The following EFCAB6 variants were observed in gnomAD, a reference collection of about 807,000 sequenced individuals.
The protein encoded by EFCAB6 is EF-hand calcium-binding domain-containing protein 6.
Under a neutral mutation model 169.8 loss-of-function variants are expected in EFCAB6, and 156 were observed. The ratio of observed to expected loss-of-function variants is 0.92; its 90% CI spans 0.81 to 1.05. EFCAB6 has a LOEUF of 1.05. Ranked by LOEUF, EFCAB6 falls within the 50% of genes least tolerant of loss-of-function variation. The pLI is 0.00. For missense variants in EFCAB6, 1,800 were observed against 1,829.1 expected (o/e 0.98, Z 0.29); for synonymous variants, 698 against 676.4 (o/e 1.03, Z -0.50).
chr22:43,774,229 G>C (rs1273966757), intron 3 of EFCAB6, among the ~76,000 whole-genome samples: 3 of 151,594 alleles, frequency 2.0e-5, no homozygotes, highest in Non-Finnish European at 2.9e-5. Context: ...GGTGACCTGG[G>C]CAGGTAAAAG....
intron 6 of EFCAB6, among the ~76,000 whole-genome samples, chr22:43,754,339 C>A (rs1385869665): frequency 6.6e-6 from 1 of 152,162 alleles, no homozygotes; most frequent in Non-Finnish European, 1.5e-5. Context: ...AATAGCAGAG[C>A]CCCAGGATGG....
chr22:43,534,686 A>T lies in EFCAB6; in HGVS notation c.4233+2T>A, dbSNP rs762293276. On this transcript the variant is annotated splice_donor_variant, in intron 30 of 31. Coordinates refer to ENST00000262726, the MANE Select transcript of EFCAB6 (RefSeq NM_022785.4). LOFTEE classifies it high-confidence loss of function. ...CACATTTCCTGCAGGTGGGCAACAT[A>T]CCATCTTGTGTGCATTCTGGATCTT... The T allele has an allele frequency of 6.3e-7, 1 of 1,594,134 alleles. No homozygotes were observed. Among genetic ancestry groups the T allele is most frequent in the South Asian group, 1.1e-5 (1 of 86,988 alleles).
intron 9 of EFCAB6, among the ~76,000 whole-genome samples, chr22:43,715,578 T>A (rs1054963299): frequency 1.3e-5 from 2 of 152,186 alleles, no homozygotes; most frequent in African/African-American, 4.8e-5. Context: ...CTTATAAAAT[T>A]ATTTCTATCT....
chr22:43,656,490 T>C (rs1317061938), intron 17 of EFCAB6, among the ~76,000 whole-genome samples: 1 of 152,182 alleles, frequency 6.6e-6, no homozygotes, highest in Non-Finnish European at 1.5e-5. Context: ...CATGCTGTTA[T>C]GGACCGCATA....
Position 43,765,398 on chromosome 22 carries a change from A to T in EFCAB6, c.352-5T>A. Reference sequence around the variant, plus strand: ...ACCAGAGGTGCTAAGGGGGATCTACAGTCAAGGGAGAAGAATGACAACATG... The same window carrying T: ...ACCAGAGGTGCTAAGGGGGATCTACTGTCAAGGGAGAAGAATGACAACATG... On this transcript the variant is annotated splice_region_variant and splice_polypyrimidine_tract_variant and intron_variant, in intron 4 of 31. Coordinates refer to ENST00000262726, the MANE Select transcript of EFCAB6 (RefSeq NM_022785.4). 6.2e-7 allele frequency: 1 copy of T among 1,606,402 alleles called. No individual in the cohort carries two copies. Among genetic ancestry groups the T allele is most frequent in the South Asian group, 1.1e-5 (1 of 90,742 alleles).
At chr22:43,643,885 G>A (rs1020506394) in intron 17 of EFCAB6, among the ~76,000 whole-genome samples, 52 of 151,572 alleles carry the variant, frequency 3.4e-4, no homozygotes, top group Admixed American at 3.1e-3. Flanking sequence ...GCGCAGTAGC[G>A]TGATCTCGGC....
chr22:43,720,639 GGA>G (rs1025101847), intron 8 of EFCAB6, among the ~76,000 whole-genome samples: 7 of 151,490 alleles, frequency 4.6e-5, no homozygotes, highest in Admixed American at 4.6e-4. Context: ...GAGAGAGGGA[GGA>G]AAAGAGAGAG....
At chr22:43,568,547 C>T (rs557028365) in intron 26 of EFCAB6, among the ~76,000 whole-genome samples, 44 of 152,082 alleles carry the variant, frequency 2.9e-4, no homozygotes, top group Admixed American at 6.5e-4. Flanking sequence ...GAGGGCTTCC[C>T]GTGGAGGCTA....
At chr22:43,562,391 G>A (rs2049092999) in intron 26 of EFCAB6, among the ~76,000 whole-genome samples, 1 of 152,186 alleles carries the variant, frequency 6.6e-6, no homozygotes, top group Non-Finnish European at 1.5e-5. Context: ...ATGTATCCAT[G>A]TATCTTGCTA....
intron 21 of EFCAB6, among the ~76,000 whole-genome samples, chr22:43,612,432 TAAAC>T (rs1023522504): frequency 1.1e-4 from 17 of 151,984 alleles, no homozygotes; most frequent in African/African-American, 3.9e-4. Flanking sequence ...ATACGGAACT[TAAAC>T]AACCCCATTG....
At chr22:43,711,028 G>C (rs561308027) in intron 10 of EFCAB6, among the ~76,000 whole-genome samples, 396 of 152,252 alleles carry the variant, frequency 2.6e-3, no homozygotes, top group Non-Finnish European at 4.7e-3. Flanking sequence ...TGAAACTACA[G>C]ACTTAATTTG....
At chr22:43,684,588 G>A (rs948373156) in intron 11 of EFCAB6, among the ~76,000 whole-genome samples, 11 of 152,144 alleles carry the variant, frequency 7.2e-5, no homozygotes, top group African/African-American at 1.7e-4. Context: ...GTTTACCTGC[G>A]GAACCATTCT....
intron 26 of EFCAB6, chr22:43,570,130 AC>A (rs1185424597): frequency 6.6e-6 from 1 of 152,198 alleles, no homozygotes; most frequent in Admixed American, 6.5e-5. Flanking sequence ...CTCTCTTGGA[AC>A]AAAAAACATC....
chr22:43,663,159 AG>A (rs2057086559), intron 17 of EFCAB6, among the ~76,000 whole-genome samples: 1 of 152,204 alleles, frequency 6.6e-6, no homozygotes, highest in South Asian at 2.1e-4. Context: ...TTATTATTCC[AG>A]CAATGACACT....
At chr22:43,611,011 C>T (rs1049057793) in intron 21 of EFCAB6, among the ~76,000 whole-genome samples, 2 of 152,166 alleles carry the variant, frequency 1.3e-5, no homozygotes, top group African/African-American at 4.8e-5. Flanking sequence ...TTTACAGGAA[C>T]TTATGTCAGA....
chr22:43,551,017 T>C (rs972895453), intron 27 of EFCAB6, among the ~76,000 whole-genome samples: 2 of 152,174 alleles, frequency 1.3e-5, no homozygotes, highest in African/African-American at 2.4e-5. Context: ...CCCCTCACGT[T>C]CGTGACTGTT....
chr22:43,632,030 TCA>T (rs1283603161), intron 19 of EFCAB6, 73 bp downstream of exon 19: 1 of 1,566,846 alleles, frequency 6.4e-7, no homozygotes, highest in Non-Finnish European at 8.7e-7. Flanking sequence ...ACACCAGGAC[TCA>T]CACCCACTTG....
intron 30 of EFCAB6, among the ~76,000 whole-genome samples, chr22:43,531,243 C>G (rs1195828669): frequency 6.6e-6 from 1 of 152,216 alleles, no homozygotes; most frequent in East Asian, 1.9e-4. Flanking sequence ...AGGTCTCTAT[C>G]CCCACTTCAC....
intron 7 of EFCAB6, 122 bp downstream of exon 7, chr22:43,735,735 G>T (rs2060111100): frequency 1.8e-6 from 2 of 1,133,514 alleles, no homozygotes; most frequent in African/African-American, 1.6e-5. Context: ...TGAGAAATAA[G>T]GTGTGTGTGT....
Sources: gnomAD v4.1 joint callset for allele counts (sites outside exome capture counted in the v4.1 genomes callset) on GRCh38, gnomAD v4.1.1 for gene constraint, MANE v1.5 for transcripts, NCBI Gene and HGNC (gene_info 2026-07-23, HGNC 2026-07-21) for gene names.